The following ACACA variants were observed in gnomAD, a reference collection of about 807,000 sequenced individuals.
ACACA encodes the protein acetyl-CoA carboxylase alpha.
ACACA carries 103 observed loss-of-function variants against 296.1 expected under a neutral mutation model. The ratio of observed to expected loss-of-function variants is 0.35; its 90% CI spans 0.30 to 0.41. The LOEUF (loss-of-function observed/expected upper bound fraction) is 0.41, where lower values mean the gene tolerates loss of function less well. Ranked by LOEUF, ACACA falls within the 10% of genes least tolerant of loss-of-function variation. ACACA has a pLI of 1.00. For synonymous variants in ACACA, 953 were observed against 1,038.6 expected (o/e 0.92, Z 1.58); for missense variants, 1,554 against 2,989.7 (o/e 0.52, Z 11.20).
At chr17:37,110,290 A>T (rs2073911097) in intron 52 of ACACA, among the ~76,000 whole-genome samples, 1 of 152,250 alleles carries the variant, frequency 6.6e-6, no homozygotes. Flanking sequence ...GAACAGTTGT[A>T]AGTAACTTGC....
At chr17:37,299,549 C>T in intron 3 of ACACA, 1 of 1,413,912 alleles carries the variant, frequency 7.1e-7, no homozygotes, top group Non-Finnish European at 9.2e-7. Flanking sequence ...CCACCTTTCT[C>T]TTCCTTTTTG....
intron 1 of ACACA, chr17:37,377,973 A>G (rs373844455): frequency 9.9e-6 from 16 of 1,611,952 alleles, no homozygotes; most frequent in Middle Eastern, 1.6e-4. Flanking sequence ...AAGGTAGGGA[A>G]TGGGTCCTTT....
chr17:37,161,480 A>C (rs2144425403), intron 42 of ACACA: 1 of 417,714 alleles, frequency 2.4e-6, no homozygotes, highest in Middle Eastern at 6.7e-4. Flanking sequence ...CAATTAAATA[A>C]AGATATATAT....
At chr17:37,286,464 G>A (rs1356944985) in intron 3 of ACACA, among the ~76,000 whole-genome samples, 2 of 152,048 alleles carry the variant, frequency 1.3e-5, no homozygotes, top group Non-Finnish European at 2.9e-5. Context: ...GTGACAATGG[G>A]GCCAAGATTC....
chr17:37,284,975 A>C lies in ACACA; in HGVS notation c.339-5T>G, dbSNP rs774220614. On this transcript the variant is annotated splice_region_variant and splice_polypyrimidine_tract_variant and intron_variant, in intron 3 of 55. Coordinates refer to ENST00000616317, the MANE Select transcript of ACACA (RefSeq NM_198834.3). ...TGCAAGCCAGACATGCTGGACCTATAAAAATACAGAAGCCATAAAAACACC... is the reference window on the plus strand; with the variant it reads ...TGCAAGCCAGACATGCTGGACCTATCAAAATACAGAAGCCATAAAAACACC... 3.7e-6 allele frequency: 6 copies of C among 1,614,016 alleles called. No individual in the cohort carries two copies. Among genetic ancestry groups the C allele is most frequent in the Non-Finnish European group, 8.5e-7 (1 of 1,180,014 alleles).
intron 3 of ACACA, among the ~76,000 whole-genome samples, chr17:37,297,134 CTA>C (rs1164505729): frequency 6.6e-6 from 1 of 151,574 alleles, no homozygotes. Flanking sequence ...TATATAAAAA[CTA>C]TGTTATATAT....
chr17:37,103,298 A>G (rs1297770326), intron 52 of ACACA, among the ~76,000 whole-genome samples: 1 of 152,198 alleles, frequency 6.6e-6, no homozygotes, highest in Non-Finnish European at 1.5e-5. Context: ...AGAAGGTAAG[A>G]ATGAGGAGGG....
At chr17:37,389,009 A>G (rs2050673110) in intron 1 of ACACA, among the ~76,000 whole-genome samples, 1 of 152,188 alleles carries the variant, frequency 6.6e-6, no homozygotes, top group Admixed American at 6.5e-5. Flanking sequence ...TTTGCCTCTC[A>G]TGGTAGTTAT....
intron 52 of ACACA, among the ~76,000 whole-genome samples, chr17:37,099,631 TGGAGGGAG>T (rs2073235152): frequency 7.5e-6 from 1 of 132,858 alleles, no homozygotes; most frequent in African/African-American, 2.9e-5. Context: ...GGAGGGCTGA[TGGAGGGAG>T]GGCTGATGGG....
intron 3 of ACACA, among the ~76,000 whole-genome samples, chr17:37,289,261 C>CAA (rs113414513): frequency 3.5e-5 from 5 of 141,616 alleles, no homozygotes; most frequent in African/African-American, 1.3e-4. Context: ...GACTCCATCT[C>CAA]AAAAAAAAAA....
intron 3 of ACACA, among the ~76,000 whole-genome samples, chr17:37,321,379 C>T (rs997489651): frequency 6.6e-6 from 1 of 152,018 alleles, no homozygotes; most frequent in African/African-American, 2.4e-5. Flanking sequence ...AATCCCAGCA[C>T]TTTGGGAGGC....
chr17:37,214,140 A>C (rs1598199204), intron 29 of ACACA, among the ~76,000 whole-genome samples: 2 of 152,192 alleles, frequency 1.3e-5, no homozygotes, highest in Non-Finnish European at 2.9e-5. Flanking sequence ...TGAATAACCT[A>C]CTAGCAGCCA....
intron 2 of ACACA, among the ~76,000 whole-genome samples, chr17:37,339,182 G>A (rs2147315074): frequency 6.6e-6 from 1 of 152,316 alleles, no homozygotes; most frequent in Non-Finnish European, 1.5e-5. Context: ...AAGATAATGG[G>A]TGCCTTCTTC....
intron 5 of ACACA, 58 bp from the exon 6 acceptor site, chr17:37,278,063 T>C (rs1001598083): frequency 7.7e-7 from 1 of 1,306,116 alleles, no homozygotes; most frequent in Non-Finnish European, 1.1e-6. Flanking sequence ...GAAATATAAT[T>C]GCACAGCAAA....
rs1196662061 is a variant in ACACA at position 37,200,461 on chromosome 17, C to T, written c.4079G>A (p.Gly1360Glu). 1 of 1,613,268 alleles carries T rather than the reference C, an allele frequency of 6.2e-7. No homozygotes were observed. The highest frequency in any genetic ancestry group is 1.7e-5 in the Admixed American group (1 of 60,012). Residue 1360 changes from glycine to glutamate, a missense_variant, in exon 34 of 56, where the codon GGG (glycine) becomes GAG (glutamate). Physicochemically the swap from Gly to Glu is moderately conservative, Grantham distance 98. Transcript: ENST00000616317. Reference protein sequence around the residue: ...QQNKATLVDHGIRRLTFLVAQ... With the variant: ...QQNKATLVDHEIRRLTFLVAQ... Reference sequence around the variant, plus strand: ...AACCAGGAAAGTAAGGCGCCGGATCCCATGGTCAACCAGGGTAGCTTTCTA... The same window carrying T: ...AACCAGGAAAGTAAGGCGCCGGATCTCATGGTCAACCAGGGTAGCTTTCTA...
At chr17:37,325,381 A>G (rs1286632488) in intron 3 of ACACA, among the ~76,000 whole-genome samples, 2 of 151,136 alleles carry the variant, frequency 1.3e-5, no homozygotes, top group African/African-American at 4.9e-5. Context: ...AAAAAAAAAA[A>G]GTCCACATTC....
chr17:37,268,710 T>C (rs572601132), intron 10 of ACACA, among the ~76,000 whole-genome samples: 403 of 135,670 alleles, frequency 3.0e-3, no homozygotes, highest in Non-Finnish European at 4.9e-3. Flanking sequence ...TATATCTATA[T>C]CTATATCTAT....
At chr17:37,155,273 A>C (rs2076193782) in intron 43 of ACACA, among the ~76,000 whole-genome samples, 1 of 152,120 alleles carries the variant, frequency 6.6e-6, no homozygotes, top group Non-Finnish European at 1.5e-5. Flanking sequence ...AATACACGAA[A>C]TTTCCCCAAA....
In ACACA at chr17:37,285,456, A is replaced by G. The variant is rs145174878; in HGVS notation, c.339-486T>C. On this transcript the variant is annotated intron_variant, in intron 3 of 55. Transcript: ENST00000616317. The stretch of plus-strand genomic sequence containing the variant: ...ACAACTCCAAAACAAAATTCTTTAC[A>G]AGGCAGCATAATATGCCATATTTAA... 7.0e-3 allele frequency among the ~76,000 whole-genome samples: 1,062 copies of G among 152,264 alleles called. 7 individuals are homozygous for G. The highest frequency in any genetic ancestry group is 0.051 in the Middle Eastern group (15 of 294).
Sources: gnomAD v4.1 joint callset for allele counts (sites outside exome capture counted in the v4.1 genomes callset) on GRCh38, gnomAD v4.1.1 for gene constraint, MANE v1.5 for transcripts, NCBI Gene and HGNC (gene_info 2026-07-23, HGNC 2026-07-21) for gene names.